The following ZRANB2 variants were observed in gnomAD, a reference collection of about 807,000 sequenced individuals.
ZRANB2 encodes zinc finger RANBP2-type containing 2.
In ZRANB2, 19 loss-of-function variants were observed where a neutral mutation model predicts 53.4. That is an observed-to-expected ratio of 0.36 (90% CI 0.25 to 0.52). The LOEUF (loss-of-function observed/expected upper bound fraction) is 0.52, where lower values mean the gene tolerates loss of function less well. Ranked by LOEUF, ZRANB2 falls within the 20% of genes least tolerant of loss-of-function variation. ZRANB2 has a pLI of 0.93. For missense variants in ZRANB2, 309 were observed against 401.1 expected (o/e 0.77, Z 1.96); for synonymous variants, 145 against 134.8 (o/e 1.08, Z -0.52).
At position 71,079,208 on chromosome 1, in the gene ZRANB2, T is replaced by C. The variant is rs190458989; in HGVS notation, c.57-500A>G. 3.9e-5 allele frequency among the ~76,000 whole-genome samples: 6 copies of C among 152,154 alleles called. No homozygotes were observed. The East Asian group carries it at 1.2e-3, about 29-fold the overall frequency. On this transcript the variant is annotated intron_variant, in intron 1 of 9. Coordinates refer to ENST00000370920, the MANE Select transcript of ZRANB2 (RefSeq NM_203350.3). ...TATGATAGGTTGTACTGACTAAAAA[T>C]ACAAAAAGATTCAATAATTGTAAGA...
intron 4 of ZRANB2, among the ~76,000 whole-genome samples, chr1:71,075,044 T>C (rs554183070): frequency 1.3e-5 from 2 of 152,308 alleles, no homozygotes; most frequent in African/African-American, 2.4e-5. Context: ...TAAACTATAG[T>C]TCTTGTGATA....
rs367870680 is a variant in ZRANB2, at chr1:71,068,733, C to A, written c.770+543G>T. 3.6e-4 allele frequency among the ~76,000 whole-genome samples: 55 copies of A among 151,872 alleles called. 1 individual carries two copies. The highest frequency in any genetic ancestry group is 1.3e-3 in the African/African-American group (54 of 41,432). On this transcript the variant is annotated intron_variant, in intron 8 of 9. Coordinates refer to ENST00000370920, the MANE Select transcript of ZRANB2 (RefSeq NM_203350.3). ...TTTTGAGGCAGGGTTATTTTTCTTC[C>A]TTTTAATAATGAAGAAAATTTTTCT...
intron 9 of ZRANB2, 55 bp from the exon 10 acceptor site, chr1:71,065,192 G>C: frequency 7.2e-7 from 1 of 1,390,472 alleles, no homozygotes; most frequent in Non-Finnish European, 1.0e-6. Flanking sequence ...CTAAATCTCA[G>C]CATTCATTCT....
At chr1:71,072,446 A>C in intron 5 of ZRANB2, 26 bp downstream of exon 5, 1 of 1,569,176 alleles carries the variant, frequency 6.4e-7, no homozygotes, top group Admixed American at 1.9e-5. Flanking sequence ...ATTTATATTC[A>C]ACCTGAACAC....
chr1:71,065,067 T>G lies in ZRANB2; in HGVS notation c.*7A>C. ...CTGGATTTTTTTAAGATGTAAATTT[T>G]AATACATTATTTCTTTTTTGAACTT... is the stretch of plus-strand genomic sequence containing the variant. On this transcript the variant is annotated 3_prime_UTR_variant, in exon 10 of 10. Transcript: ENST00000370920. 1 of 1,599,930 alleles carries G rather than the reference T, an allele frequency of 6.3e-7. No homozygotes were observed. Among genetic ancestry groups the G allele is most frequent in the Non-Finnish European group, 8.6e-7 (1 of 1,169,528 alleles).
At position 71,063,804 on chromosome 1, in the gene ZRANB2, A is replaced by G. The variant is rs1374202571; in HGVS notation, c.*1270T>C. 6.6e-6 allele frequency: 1 copy of G among 152,460 alleles called. No individual in the cohort carries two copies. Among genetic ancestry groups the G allele is most frequent in the Non-Finnish European group, 1.5e-5 (1 of 67,888 alleles). The allele number at this position is 152,460 out of a possible 1,614,324, so 9.4% of individuals were successfully genotyped here. A position where few individuals can be genotyped will look rare whatever the true frequency, so the allele number is the denominator to read the frequency against. ...TTTTTGTTTGGTTTGTCTATGAAAT[A>G]TCTTAAAATGTCGTAATTTTTATTT... On this transcript the variant is annotated 3_prime_UTR_variant, in exon 10 of 10. Transcript: ENST00000370920.
chr1:71,071,065 T>C (rs1661584694), intron 6 of ZRANB2, 69 bp from the exon 7 acceptor site: 3 of 1,386,656 alleles, frequency 2.2e-6, no homozygotes, highest in Non-Finnish European at 2.9e-6. Flanking sequence ...ATAAAACAGT[T>C]AGGTGTACTG....
At chr1:71,069,013 C>T (rs1252156647) in intron 8 of ZRANB2, among the ~76,000 whole-genome samples, 9 of 152,106 alleles carry the variant, frequency 5.9e-5, no homozygotes, top group Admixed American at 3.3e-4. Context: ...CTTCCTACTT[C>T]ATAACATCTT....
intron 3 of ZRANB2, among the ~76,000 whole-genome samples, chr1:71,077,521 T>C (rs1661734581): frequency 6.6e-6 from 1 of 152,188 alleles, no homozygotes; most frequent in Non-Finnish European, 1.5e-5. Flanking sequence ...ACTTTTCCAA[T>C]ACAAATTTAT....
At chr1:71,071,976 G>T in intron 6 of ZRANB2, 145 bp downstream of exon 6, 2 of 1,180,602 alleles carry the variant, frequency 1.7e-6, no homozygotes, top group Non-Finnish European at 1.2e-6. Context: ...AATAGTACTT[G>T]GCAGAGTGGA....
chr1:71,066,424 T>C (rs1452896658), intron 9 of ZRANB2: 1 of 172,530 alleles, frequency 5.8e-6, no homozygotes, highest in Non-Finnish European at 1.2e-5. Context: ...TCTTGACTAT[T>C]AGTATTTAAA....
chr1:71,080,577 G>C (rs1453969264), intron 1 of ZRANB2, among the ~76,000 whole-genome samples: 1 of 145,772 alleles, frequency 6.9e-6, no homozygotes, highest in Non-Finnish European at 1.5e-5. Flanking sequence ...GCAGAGAAAA[G>C]TCACGTGGGG....
At position 71,063,679 on chromosome 1, in the gene ZRANB2, A is replaced by G. The variant is rs1163853464; in HGVS notation, c.*1395T>C. The G allele has an allele frequency of 6.6e-6, 1 of 152,440 alleles. No individual in the cohort carries two copies. The highest frequency in any genetic ancestry group is 2.4e-5 in the African/African-American group (1 of 41,434). The allele number at this position is 152,440 out of a possible 1,614,324, so 9.4% of individuals were successfully genotyped here. A position where few individuals can be genotyped will look rare whatever the true frequency, so the allele number is the denominator to read the frequency against. ...AAGACATAAAAACATGGGAAAGCTC[A>G]CTGTAAAAATATTATCAAAATATTT... On this transcript the variant is annotated 3_prime_UTR_variant, in exon 10 of 10. Transcript: ENST00000370920.
intron 8 of ZRANB2, chr1:71,067,494 C>CT (rs1661473778): frequency 1.3e-5 from 4 of 299,998 alleles, no homozygotes; most frequent in Admixed American, 1.1e-4. Flanking sequence ...TTTATATTTA[C>CT]AATACTATTT....
chr1:71,068,175 TTTC>T (rs150601320), intron 8 of ZRANB2, among the ~76,000 whole-genome samples: 1,635 of 152,276 alleles, frequency 0.011, 29 homozygotes, highest in African/African-American at 0.036. Context: ...TTGTTATCTA[TTTC>T]TTATTGGCTT....
Position 71,066,952 on chromosome 1 carries a change from C to A in ZRANB2, c.771-18G>T. 1 of 1,538,008 alleles carries A rather than the reference C, an allele frequency of 6.5e-7. No individual in the cohort carries two copies. On this transcript the variant is annotated intron_variant, in intron 8 of 9. Transcript: ENST00000370920. Reference sequence around the variant, plus strand: ...AGCTGGATCTTCATTGATTGAGAAACAAATCAAACATTTCATTAAAAGAAG... The same window carrying A: ...AGCTGGATCTTCATTGATTGAGAAAAAAATCAAACATTTCATTAAAAGAAG...
chr1:71,065,627 T>C, intron 9 of ZRANB2: 2 of 1,547,234 alleles, frequency 1.3e-6, no homozygotes, highest in East Asian at 2.3e-5. Context: ...GATTGTACAA[T>C]TTGCTATAGG....
Position 71,070,922 on chromosome 1 carries a change from C to A in ZRANB2, c.588G>T (p.Lys196Asn). The part of the protein sequence containing the change: ...DASEEEDSNK[K>N]KSNRRSRSKS... ...TTGAGCGACTTCGTCTATTAGATTT[C>A]TTTTTATTACTATCTTCTTCTTCAC... Residue 196 changes from lysine (K) to asparagine (N), a missense_variant, in exon 7 of 10, where the codon AAG (lysine) becomes AAT (asparagine). Lys to Asn is a moderately conservative substitution (Grantham distance 94, BLOSUM62 0). This residue lies in a region of ZRANB2 where 211 missense variants were observed against 196.1 expected (regional missense o/e 1.08). Coordinates refer to ENST00000370920, the MANE Select transcript of ZRANB2 (RefSeq NM_203350.3). 6.2e-7 allele frequency: 1 copy of A among 1,611,572 alleles called. No individual in the cohort carries two copies. Among genetic ancestry groups the A allele is most frequent in the Non-Finnish European group, 8.5e-7 (1 of 1,178,850 alleles).
rs2101037057 is a variant in ZRANB2 at position 71,063,717 on chromosome 1, T to C, written c.*1357A>G. 6.6e-6 allele frequency: 1 copy of C among 152,508 alleles called. No homozygotes were observed. The highest frequency in any genetic ancestry group is 2.1e-4 in the South Asian group (1 of 4,828). 9.4% of individuals were successfully genotyped at this position (152,508 alleles called of 1,614,324 possible). On this transcript the variant is annotated 3_prime_UTR_variant, in exon 10 of 10. Coordinates refer to ENST00000370920, the MANE Select transcript of ZRANB2 (RefSeq NM_203350.3). ...TATCAAAATATTTCTACATAAGATA[T>C]CTTGCTTTCATTTTTAGATCAGCTG... is the stretch of plus-strand genomic sequence containing the variant.
Sources: gnomAD v4.1 joint callset for allele counts (sites outside exome capture counted in the v4.1 genomes callset) on GRCh38, gnomAD v4.1.1 for gene constraint, gnomAD v4.1.1 regional missense constraint, MANE v1.5 for transcripts, NCBI Gene and HGNC (gene_info 2026-07-23, HGNC 2026-07-21) for gene names.